SDHAF4: variants seen among roughly 807,000 people sequenced by gnomAD.
SDHAF4 encodes succinate dehydrogenase assembly factor 4, mitochondrial.
SDHAF4 carries 14 observed loss-of-function variants against 14.3 expected under a neutral mutation model. The ratio of observed to expected loss-of-function variants is 0.98; its 90% CI spans 0.65 to 1.53. The LOEUF (loss-of-function observed/expected upper bound fraction) is 1.53, where lower values mean the gene tolerates loss of function less well. SDHAF4 is among the 40% of genes most tolerant of loss of function. The pLI, the probability that SDHAF4 is intolerant of heterozygous loss-of-function variation, is 0.00. For missense variants in SDHAF4, 141 were observed against 129.3 expected (o/e 1.09, Z -0.44); for synonymous variants, 63 against 47.3 (o/e 1.33, Z -1.36).
At chr6:70,595,726 C>A in the SDHAF4 span, among the ~76,000 whole-genome samples, 1 of 151,692 alleles carries the variant, frequency 6.6e-6, no homozygotes, top group Non-Finnish European at 1.5e-5. Flanking sequence ...ATCCCACATA[C>A]TCGGGAGGCT....
chr6:70,570,211 A>G, intron 1 of SDHAF4, among the ~76,000 whole-genome samples: 1 of 152,156 alleles, frequency 6.6e-6, no homozygotes, highest in East Asian at 1.9e-4. Context: ...ATGCTTAATG[A>G]TTTTGTATCT....
downstream of SDHAF4, among the ~76,000 whole-genome samples, chr6:70,591,468 A>G (rs1765257875): frequency 6.8e-6 from 1 of 147,140 alleles, no homozygotes; most frequent in African/African-American, 2.5e-5. Context: ...AGTAGCTGGG[A>G]CTACAGGCAC....
Position 70,568,962 on chromosome 6 carries a change from C to CTTTTTTTTTTTTTTTTTTTTTT in SDHAF4, c.64+1979_64+1980insTTTTTTTTTTTTTTTTTTTTTT, listed in dbSNP as rs5877254. 3.6e-4 allele frequency among the ~76,000 whole-genome samples: 35 copies of CTTTTTTTTTTTTTTTTTTTTTT among 97,988 alleles called. 1 individual carries two copies. Among genetic ancestry groups the CTTTTTTTTTTTTTTTTTTTTTT allele is most frequent in the African/African-American group, 1.4e-3 (34 of 23,746 alleles). 64.3% of individuals were successfully genotyped at this position (97,988 alleles called of 152,430 possible). A position where few individuals can be genotyped will look rare whatever the true frequency, so the allele number is the denominator to read the frequency against. On this transcript the variant is annotated intron_variant, in intron 1 of 2. Transcript: ENST00000370474. Reference sequence around the variant, plus strand: ...TTTGTGAAATACCTCTTTCTTTTTTCTTTTTTTTTTTTTTTTTTTTTGAGG... The same window carrying CTTTTTTTTTTTTTTTTTTTTTT: ...TTTGTGAAATACCTCTTTCTTTTTTCTTTTTTTTTTTTTTTTTTTTTTTTTTTTTTTTTTTTTTTTTTTGAGG...
intron 1 of SDHAF4, among the ~76,000 whole-genome samples, chr6:70,570,417 A>C (rs918628435): frequency 6.6e-6 from 1 of 151,954 alleles, no homozygotes; most frequent in Admixed American, 6.6e-5. Context: ...CCACCTCCCG[A>C]AATCAAGTGA....
intron 1 of SDHAF4, among the ~76,000 whole-genome samples, chr6:70,576,937 G>A (rs1802263296): frequency 6.6e-6 from 1 of 152,184 alleles, no homozygotes; most frequent in Non-Finnish European, 1.5e-5. Flanking sequence ...ACATTTTACA[G>A]GTTTGGAGGT....
chr6:70,596,162 G>A, the SDHAF4 span, among the ~76,000 whole-genome samples: 4 of 152,124 alleles, frequency 2.6e-5, no homozygotes, highest in South Asian at 6.2e-4. Context: ...AAGATGATGC[G>A]GTAGCCATGG....
At chr6:70,578,798 G>T (rs542687268) in intron 1 of SDHAF4, among the ~76,000 whole-genome samples, 1 of 152,216 alleles carries the variant, frequency 6.6e-6, no homozygotes, top group East Asian at 1.9e-4. Flanking sequence ...TCTGCACATA[G>T]CTGCCAACTA....
At chr6:70,597,815 G>A in the SDHAF4 span, among the ~76,000 whole-genome samples, 5 of 152,156 alleles carry the variant, frequency 3.3e-5, no homozygotes, top group Non-Finnish European at 7.3e-5. Flanking sequence ...AAGATATGGA[G>A]TGAGCAGAGT....
At chr6:70,571,407 C>T (rs550755669) in intron 1 of SDHAF4, among the ~76,000 whole-genome samples, 15 of 152,258 alleles carry the variant, frequency 9.9e-5, no homozygotes, top group African/African-American at 2.4e-4. Flanking sequence ...CCCTGCCTCC[C>T]GGGTTCAAGT....
At chr6:70,579,323 A>G in intron 1 of SDHAF4, 91 bp from the exon 2 acceptor site, 1 of 1,078,230 alleles carries the variant, frequency 9.3e-7, no homozygotes, top group Non-Finnish European at 1.2e-6. Context: ...ATGTGAATGT[A>G]TAAACTAAAA....
Position 70,588,741 on chromosome 6 carries a change from C to T in SDHAF4, c.*17C>T, listed in dbSNP as rs954315015. ...GATTTTTAAGTCGCATATTCTTTAA[C>T]TTCAATATTGTTTTCTGAATATGTA... On this transcript the variant is annotated 3_prime_UTR_variant, in exon 3 of 3. Transcript: ENST00000370474. 4 of 1,424,566 alleles carry T rather than the reference C, an allele frequency of 2.8e-6. No homozygotes were observed. The highest frequency in any genetic ancestry group is 1.8e-5 in the Admixed American group (1 of 56,038). The allele number at this position is 1,424,566 out of a possible 1,614,324, so 88.2% of individuals were successfully genotyped here.
At chr6:70,588,309 T>C (rs144847926) in intron 2 of SDHAF4, among the ~76,000 whole-genome samples, 1,929 of 152,220 alleles carry the variant, frequency 0.013, 32 homozygotes, top group African/African-American at 0.044. Flanking sequence ...ACACTTGAGG[T>C]CAGGAGTTTG....
chr6:70,579,906 T>C (rs1464385890), intron 2 of SDHAF4, among the ~76,000 whole-genome samples: 1 of 152,186 alleles, frequency 6.6e-6, no homozygotes, highest in Non-Finnish European at 1.5e-5. Flanking sequence ...AAAGATCTTA[T>C]GTGAATAATG....
downstream of SDHAF4, among the ~76,000 whole-genome samples, chr6:70,591,829 A>C (rs540816531): frequency 1.1e-4 from 17 of 152,358 alleles, no homozygotes; most frequent in South Asian, 3.5e-3. Context: ...GTTGAAACTT[A>C]ATCCCCAATG....
chr6:70,589,931 G>A (rs1407321253), downstream of SDHAF4, among the ~76,000 whole-genome samples: 3 of 152,118 alleles, frequency 2.0e-5, no homozygotes, highest in Non-Finnish European at 2.9e-5. Flanking sequence ...CAGAAAATAG[G>A]GAAAGTACTG....
At chr6:70,594,249 C>T (rs1444292449), downstream of SDHAF4, among the ~76,000 whole-genome samples, 1 of 152,156 alleles carries the variant, frequency 6.6e-6, no homozygotes, top group Non-Finnish European at 1.5e-5. Flanking sequence ...GTGATAAGGA[C>T]ATTAGTTTTG....
At chr6:70,583,309 C>G (rs1025108176) in intron 2 of SDHAF4, among the ~76,000 whole-genome samples, 1 of 152,168 alleles carries the variant, frequency 6.6e-6, no homozygotes, top group African/African-American at 2.4e-5. Context: ...AACGGGGTTT[C>G]ACCATGTTGG....
At chr6:70,581,022 C>T (rs574313011) in intron 2 of SDHAF4, among the ~76,000 whole-genome samples, 25 of 152,246 alleles carry the variant, frequency 1.6e-4, no homozygotes, top group African/African-American at 6.0e-4. Context: ...ACCTCCGCCT[C>T]CCAGGTTCAT....
chr6:70,592,028 G>T (rs557959028), downstream of SDHAF4, among the ~76,000 whole-genome samples: 3 of 152,370 alleles, frequency 2.0e-5, no homozygotes, highest in African/African-American at 7.2e-5. Context: ...CAGCCAACTT[G>T]CCATGTGATG....
Sources: gnomAD v4.1 joint callset for allele counts (sites outside exome capture counted in the v4.1 genomes callset) on GRCh38, gnomAD v4.1.1 for gene constraint, MANE v1.5 for transcripts, NCBI Gene and HGNC (gene_info 2026-07-23, HGNC 2026-07-21) for gene names.